Variants in SMAD4 observed in about 807,000 individuals in gnomAD.
SMAD4 encodes the protein MAD homolog 4.
A neutral mutation model predicts 63.2 loss-of-function variants in SMAD4; 7 were observed. The observed-to-expected ratio is 0.11, with a 90% CI of 0.06 to 0.21. The LOEUF is 0.21. Among genes scored for constraint, SMAD4 ranks in the 10% least tolerant of loss-of-function variants. SMAD4 has a pLI of 1.00. For missense variants in SMAD4, 312 were observed against 693.8 expected, an observed-to-expected ratio of 0.45 and a Z score of 6.18; for synonymous variants, 215 against 235.4, an observed-to-expected ratio of 0.91 and a Z score of 0.79.
At chr18:51,075,356 C>T (rs558025970) in intron 10 of SMAD4, among the ~76,000 whole-genome samples, 59 of 152,216 alleles carry the variant, frequency 3.9e-4, no homozygotes, top group Non-Finnish European at 7.5e-4. Flanking sequence ...TCTCAGATTT[C>T]TCTTATTTTC....
chr18:51,042,287 G>C lies in SMAD4; in HGVS notation c.-127-4633G>C, dbSNP rs372059697. Among the ~76,000 whole-genome samples the C allele has an allele frequency of 5.9e-3, 794 of 135,122 alleles. 17 individuals are homozygous for C. Among genetic ancestry groups the C allele is most frequent in the African/African-American group, 0.022 (733 of 33,566 alleles). The allele number at this position is 135,122 out of a possible 152,430, so 88.6% of individuals were successfully genotyped here. A position where few individuals can be genotyped will look rare whatever the true frequency, so the allele number is the denominator to read the frequency against. On this transcript the variant is annotated intron_variant, in intron 1 of 11. Coordinates refer to ENST00000342988, the MANE Select transcript of SMAD4 (RefSeq NM_005359.6). ...TAATTCATTTTTTTCTTGCCTGCCT[G>C]CCTCCCTCCCTCCTTCCCTCCCTCC...
intron 10 of SMAD4, among the ~76,000 whole-genome samples, chr18:51,076,274 C>T (rs1437417563): frequency 1.3e-5 from 2 of 152,138 alleles, no homozygotes; most frequent in African/African-American, 2.4e-5. Flanking sequence ...CTATCAACTC[C>T]AGCCTAAGGA....
chr18:51,041,354 C>T (rs527489918), intron 1 of SMAD4, among the ~76,000 whole-genome samples: 2 of 152,198 alleles, frequency 1.3e-5, no homozygotes, highest in Admixed American at 1.3e-4. Context: ...TGGCTGTCCC[C>T]TGGCACATGG....
At chr18:51,068,513 A>G (rs1266823404) in intron 10 of SMAD4, among the ~76,000 whole-genome samples, 1 of 152,242 alleles carries the variant, frequency 6.6e-6, no homozygotes, top group Non-Finnish European at 1.5e-5. Flanking sequence ...ATTCCCTGTT[A>G]AAATTTTCAA....
chr18:51,045,728 A>G (rs1909525031), intron 1 of SMAD4, among the ~76,000 whole-genome samples: 2 of 152,082 alleles, frequency 1.3e-5, no homozygotes, highest in African/African-American at 4.8e-5. Flanking sequence ...CATCACCATT[A>G]TCAATTTTTA....
intron 1 of SMAD4, among the ~76,000 whole-genome samples, chr18:51,036,052 C>G (rs1448232421): frequency 6.6e-6 from 1 of 152,130 alleles, no homozygotes; most frequent in Non-Finnish European, 1.5e-5. Flanking sequence ...TCATAGCCCT[C>G]TATAACCTTC....
chr18:51,058,555 C>A, intron 7 of SMAD4, 99 bp downstream of exon 7: 1 of 838,452 alleles, frequency 1.2e-6, no homozygotes. Flanking sequence ...TTTATTCATC[C>A]TGTGATTTTG....
chr18:51,042,646 T>C (rs1257170239), intron 1 of SMAD4, among the ~76,000 whole-genome samples: 1 of 152,092 alleles, frequency 6.6e-6, no homozygotes, highest in Non-Finnish European at 1.5e-5. Flanking sequence ...TCCAACCATG[T>C]CGGCCTCTTA....
intron 4 of SMAD4, 62 bp from the exon 5 acceptor site, chr18:51,054,719 G>T (rs1237108808): frequency 8.6e-7 from 1 of 1,158,906 alleles, no homozygotes. Context: ...TTGCTAATAA[G>T]ATTTTTTTTT....
At chr18:51,062,857 T>TTTTTTTTTC in intron 8 of SMAD4, among the ~76,000 whole-genome samples, 1 of 126,194 alleles carries the variant, frequency 7.9e-6, no homozygotes, top group Non-Finnish European at 1.7e-5. Flanking sequence ...ACTTGTTTTT[T>TTTTTTTTTC]TTTTTTTTTT....
chr18:51,039,600 C>G (rs1469530527), intron 1 of SMAD4, among the ~76,000 whole-genome samples: 1 of 150,136 alleles, frequency 6.7e-6, no homozygotes, highest in Non-Finnish European at 1.5e-5. Context: ...GGGGGTGGCT[C>G]TGGTTAGTCT....
At chr18:51,041,898 T>TA (rs1376569718) in intron 1 of SMAD4, among the ~76,000 whole-genome samples, 9 of 152,224 alleles carry the variant, frequency 5.9e-5, no homozygotes, top group Admixed American at 3.3e-4. Flanking sequence ...TCCTGACTGA[T>TA]ACGTTGTGCC....
chr18:51,035,173 C>A (rs1189205281), intron 1 of SMAD4, among the ~76,000 whole-genome samples: 1 of 152,196 alleles, frequency 6.6e-6, no homozygotes, highest in African/African-American at 2.4e-5. Context: ...TTCCTGTCAC[C>A]TATTCCTTTC....
At chr18:51,061,741 T>A (rs1206954927) in intron 8 of SMAD4, among the ~76,000 whole-genome samples, 2 of 152,208 alleles carry the variant, frequency 1.3e-5, no homozygotes, top group Non-Finnish European at 2.9e-5. Flanking sequence ...TAGTTTTATA[T>A]GTAAATATCT....
At chr18:51,051,616 G>A (rs1369944778) in intron 4 of SMAD4, among the ~76,000 whole-genome samples, 1 of 152,158 alleles carries the variant, frequency 6.6e-6, no homozygotes. Flanking sequence ...AATAAGGTAT[G>A]TTTTGTCTAC....
intron 6 of SMAD4, 47 bp from the exon 7 acceptor site, chr18:51,058,293 G>A (rs1473363681): frequency 3.7e-6 from 6 of 1,610,766 alleles, no homozygotes; most frequent in Non-Finnish European, 5.1e-6. Flanking sequence ...AAAAAAGTAG[G>A]CAGCCTTTAT....
intron 10 of SMAD4, among the ~76,000 whole-genome samples, chr18:51,070,465 T>C (rs1310028652): frequency 6.6e-6 from 1 of 152,166 alleles, no homozygotes. Flanking sequence ...CTCATTTGTG[T>C]ATATTAACTA....
At chr18:51,069,479 G>A (rs1253953110) in intron 10 of SMAD4, among the ~76,000 whole-genome samples, 1 of 152,008 alleles carries the variant, frequency 6.6e-6, no homozygotes, top group East Asian at 1.9e-4. Context: ...TTGTATTCGT[G>A]GGCCAAGTTT....
intron 9 of SMAD4, 94 bp downstream of exon 9, chr18:51,065,700 T>C: frequency 1.1e-6 from 1 of 946,854 alleles, no homozygotes; most frequent in Non-Finnish European, 1.6e-6. Context: ...ACATTATATG[T>C]GTTCTTAAAT....
Sources: allele counts gnomAD v4.1 joint callset (sites outside exome capture counted in the v4.1 genomes callset), GRCh38; gene constraint gnomAD v4.1.1; transcripts MANE v1.5; gene names NCBI Gene and HGNC (gene_info 2026-07-23, HGNC 2026-07-21).